Variants in DLC1 observed in about 807,000 individuals in gnomAD.
DLC1 encodes the protein DLC1 Rho GTPase activating protein.
DLC1 carries 54 observed loss-of-function variants against 140.3 expected under a neutral mutation model. The observed-to-expected ratio is 0.38, with a 90% CI of 0.31 to 0.48. The LOEUF (loss-of-function observed/expected upper bound fraction) is 0.48, where lower values mean the gene tolerates loss of function less well. DLC1 is among the 20% of genes least tolerant of loss of function. The pLI is 0.96. For missense variants in DLC1, 2,536 were observed against 1,907.0 expected (o/e 1.33, Z -6.14); for synonymous variants, 986 against 728.1 (o/e 1.35, Z -5.70).
At chr8:13,151,268 C>T (rs1258614866) in intron 5 of DLC1, among the ~76,000 whole-genome samples, 1 of 152,202 alleles carries the variant, frequency 6.6e-6, no homozygotes, top group African/African-American at 2.4e-5. Context: ...AAAACACCAA[C>T]AGCGAATTTT....
intron 2 of DLC1, among the ~76,000 whole-genome samples, chr8:13,477,159 G>A (rs1800468764): frequency 6.6e-6 from 1 of 152,044 alleles, no homozygotes. Flanking sequence ...TGCCTTCAAA[G>A]AGCATGTAGT....
At chr8:13,274,062 A>G (rs1563216286) in intron 5 of DLC1, among the ~76,000 whole-genome samples, 1 of 152,176 alleles carries the variant, frequency 6.6e-6, no homozygotes, top group Non-Finnish European at 1.5e-5. Context: ...TCTGCACACG[A>G]AGGCAAGGTG....
chr8:13,566,770 G>T (rs896470367), intron 1 of DLC1: 30 of 582,350 alleles, frequency 5.2e-5, no homozygotes, highest in Non-Finnish European at 7.1e-5. Context: ...CGCAGTGGGC[G>T]CTGGGGAGCG....
At chr8:13,539,963 C>T (rs17821960) in intron 1 of DLC1, among the ~76,000 whole-genome samples, 18,443 of 152,026 alleles carry the variant, frequency 0.12, 1,301 homozygotes, top group Non-Finnish European at 0.14. Flanking sequence ...AGAAGGGAGA[C>T]GTTATCAAAT....
intron 1 of DLC1, among the ~76,000 whole-genome samples, chr8:13,589,312 A>T (rs73563468): frequency 1.3e-5 from 2 of 152,084 alleles, no homozygotes; most frequent in African/African-American, 2.4e-5. Context: ...AAAACAAAAT[A>T]AAGTCTTTCT....
rs1563359394 is a variant in DLC1 at position 13,453,390 on chromosome 8, ATATATATATAT to A, written c.1023+45648_1023+45658del. The stretch of plus-strand genomic sequence containing the variant: ...CTAAAAGAATAAGATGGCCCAGGAT[ATATATATATAT>A]GTGTATATATATATATATATATGTG... On this transcript the variant is annotated intron_variant, in intron 2 of 17. Coordinates refer to ENST00000276297, the MANE Select transcript of DLC1 (RefSeq NM_182643.3). Among the ~76,000 whole-genome samples, 12 of 55,744 alleles carry A rather than the reference ATATATATATAT, an allele frequency of 2.2e-4. 1 individual carries two copies. Among genetic ancestry groups the A allele is most frequent in the African/African-American group, 8.9e-4 (10 of 11,208 alleles). The allele number at this position is 55,744 out of a possible 152,430, so 36.6% of individuals were successfully genotyped here. A position where few individuals can be genotyped will look rare whatever the true frequency, so the allele number is the denominator to read the frequency against.
At chr8:13,219,928 T>C (rs1828459259) in intron 5 of DLC1, among the ~76,000 whole-genome samples, 1 of 152,172 alleles carries the variant, frequency 6.6e-6, no homozygotes, top group Non-Finnish European at 1.5e-5. Context: ...CACAGAAGGC[T>C]ACATACTGTC....
chr8:13,133,078 C>T (rs1822258282), intron 5 of DLC1: 3 of 1,535,000 alleles, frequency 2.0e-6, no homozygotes, highest in African/African-American at 2.7e-5. Context: ...ACCCGAGACG[C>T]GCGCCCTCGC....
intron 4 of DLC1, among the ~76,000 whole-genome samples, chr8:13,343,315 C>T (rs776340778): frequency 6.6e-6 from 1 of 152,130 alleles, no homozygotes; most frequent in African/African-American, 2.4e-5. Context: ...GGCTCATAGT[C>T]CTGAGACAGG....
chr8:13,546,397 C>T (rs909802988), intron 1 of DLC1, among the ~76,000 whole-genome samples: 2 of 152,022 alleles, frequency 1.3e-5, no homozygotes, highest in Non-Finnish European at 2.9e-5. Context: ...TTTTAGAACC[C>T]TTTAAAAAGC....
At chr8:13,192,172 A>C (rs1826795108) in intron 5 of DLC1, among the ~76,000 whole-genome samples, 1 of 151,852 alleles carries the variant, frequency 6.6e-6, no homozygotes, top group Non-Finnish European at 1.5e-5. Context: ...GCTGGTCTCG[A>C]ACTCCTGACC....
At chr8:13,274,171 A>C (rs1831068326) in intron 5 of DLC1, among the ~76,000 whole-genome samples, 1 of 152,258 alleles carries the variant, frequency 6.6e-6, no homozygotes, top group South Asian at 2.1e-4. Flanking sequence ...GGAAGGGTTG[A>C]GTGCAGAGGA....
intron 2 of DLC1, among the ~76,000 whole-genome samples, chr8:13,496,427 T>C (rs1174972783): frequency 6.6e-6 from 1 of 152,186 alleles, no homozygotes; most frequent in Non-Finnish European, 1.5e-5. Context: ...AAAGATTATA[T>C]GGGGTAAAAA....
intron 2 of DLC1, 48 bp downstream of exon 2, chr8:13,499,001 G>A: frequency 6.6e-7 from 1 of 1,525,690 alleles, no homozygotes. Context: ...TAAATCCAAG[G>A]ATATTTACAA....
chr8:13,534,446 T>C (rs1471306529), intron 1 of DLC1, among the ~76,000 whole-genome samples: 3 of 152,128 alleles, frequency 2.0e-5, no homozygotes, highest in Non-Finnish European at 2.9e-5. Context: ...TTATATCAAT[T>C]TGAGGGATAA....
chr8:13,559,508 C>G (rs1343278112), intron 1 of DLC1: 1 of 152,160 alleles, frequency 6.6e-6, no homozygotes, highest in Non-Finnish European at 1.5e-5. Context: ...CATAGTTTTA[C>G]TGAAAGATTC....
At chr8:13,118,809 C>T (rs774658167) in intron 5 of DLC1, among the ~76,000 whole-genome samples, 3 of 152,128 alleles carry the variant, frequency 2.0e-5, no homozygotes, top group Non-Finnish European at 2.9e-5. Context: ...ATTAATAAAA[C>T]TCTGGGTCTG....
intron 4 of DLC1, among the ~76,000 whole-genome samples, chr8:13,314,109 G>C (rs950463387): frequency 6.6e-6 from 1 of 151,408 alleles, no homozygotes; most frequent in Non-Finnish European, 1.5e-5. Flanking sequence ...GAGATCCCTG[G>C]GACCACCATT....
At chr8:13,235,637 C>T (rs997447709) in intron 5 of DLC1, among the ~76,000 whole-genome samples, 7 of 151,928 alleles carry the variant, frequency 4.6e-5, no homozygotes, top group Non-Finnish European at 7.4e-5. Flanking sequence ...GTTTAACTCA[C>T]AGGGTAACTA....
Sources: allele counts gnomAD v4.1 joint callset (sites outside exome capture counted in the v4.1 genomes callset), GRCh38; gene constraint gnomAD v4.1.1; transcripts MANE v1.5; gene names NCBI Gene and HGNC (gene_info 2026-07-23, HGNC 2026-07-21).